C18orf63: variants seen among roughly 807,000 people sequenced by gnomAD.
C18orf63 encodes uncharacterized protein C18orf63.
C18orf63 carries 50 observed loss-of-function variants against 75.3 expected under a neutral mutation model. The ratio of observed to expected loss-of-function variants is 0.66; its 90% confidence interval spans 0.53 to 0.84. The LOEUF is 0.84. Ranked by LOEUF, C18orf63 falls within the 40% of genes least tolerant of loss-of-function variation. C18orf63 has a pLI of 0.00. For synonymous variants in C18orf63, 232 were observed against 267.6 expected, an observed-to-expected ratio of 0.87 and a Z score of 1.30; for missense variants, 732 against 800.2, an observed-to-expected ratio of 0.91 and a Z score of 1.03.
chr18:74,317,937 A>G lies in C18orf63; in HGVS notation c.72A>G (p.Arg24=), dbSNP rs906734696. ...ATTTAAACAAACTCTGTGCTGTCAG[A>G]ATAATACTGAGTAATAAGGTGGCAG... ...LPDLNKLCAV[R]IILSNKVADT... is the part of the protein sequence containing the mutation. Residue 24 remains arginine, a synonymous_variant, in exon 2 of 14, where the codon AGA becomes AGG. Coordinates refer to ENST00000579455, the MANE Select transcript of C18orf63 (RefSeq NM_001174123.2). 18 of 1,533,586 alleles carry G rather than the reference A, an allele frequency of 1.2e-5. No homozygotes were observed. In the East Asian group the frequency reaches 3.9e-4, roughly 33 times the overall value. 95.0% of individuals were successfully genotyped at this position (1,533,586 alleles called of 1,614,324 possible). A position where few individuals can be genotyped will look rare whatever the true frequency, so the allele number is the denominator to read the frequency against.
intron 11 of C18orf63, among the ~76,000 whole-genome samples, chr18:74,348,969 A>G (rs1055556967): frequency 1.3e-5 from 2 of 152,238 alleles, no homozygotes; most frequent in Non-Finnish European, 2.9e-5. Flanking sequence ...AAGACAGCTG[A>G]AGAAGAAACA....
At chr18:74,327,398 G>A (rs1159345626) in intron 4 of C18orf63, among the ~76,000 whole-genome samples, 3 of 152,192 alleles carry the variant, frequency 2.0e-5, no homozygotes, top group Non-Finnish European at 2.9e-5. Flanking sequence ...TAGACATATA[G>A]CTTAGAAGGT....
intron 11 of C18orf63, among the ~76,000 whole-genome samples, chr18:74,348,826 C>T (rs1033161049): frequency 2.7e-4 from 41 of 152,126 alleles, no homozygotes; most frequent in African/African-American, 9.6e-4. Context: ...GAATATAAAC[C>T]TAGAGGTTTC....
Position 74,320,591 on chromosome 18 carries a change from G to A in C18orf63, c.213G>A (p.Ala71=), listed in dbSNP as rs754899143. ...TAAACCAAATCTGGGTGGTGATGGC[G>A]GTTAGTATTTTAATATTTTGTGAAA... The part of the protein sequence containing the change: ...GILNQIWVVM[A]IPFYKARKLN... The change falls in exon 3 of 14, where the codon GCG becomes GCA. Residue 71 remains alanine (A), a splice_region_variant and synonymous_variant. Coordinates refer to ENST00000579455, the MANE Select transcript of C18orf63 (RefSeq NM_001174123.2). 4.5e-5 allele frequency: 68 copies of A among 1,518,760 alleles called. No individual in the cohort carries two copies. Among genetic ancestry groups the A allele is most frequent in the African/African-American group, 8.3e-5 (6 of 72,524 alleles). The allele number at this position is 1,518,760 out of a possible 1,614,324, so 94.1% of individuals were successfully genotyped here.
chr18:74,322,575 C>T, intron 3 of C18orf63, 123 bp from the exon 4 acceptor site: 1 of 319,086 alleles, frequency 3.1e-6, no homozygotes, highest in Non-Finnish European at 5.7e-6. Flanking sequence ...AAGGCACAAA[C>T]CCTAATTGGA....
intron 7 of C18orf63, among the ~76,000 whole-genome samples, chr18:74,332,224 G>C (rs1984319907): frequency 6.6e-6 from 1 of 152,186 alleles, no homozygotes; most frequent in Non-Finnish European, 1.5e-5. Context: ...GCTGAGTCCT[G>C]AGGTGGCACA....
intron 4 of C18orf63, 39 bp downstream of exon 4, chr18:74,322,793 T>G (rs1984145813): frequency 2.4e-6 from 2 of 819,854 alleles, no homozygotes; most frequent in Non-Finnish European, 3.7e-6. Flanking sequence ...ATATGTTGTT[T>G]ATAGGGATTA....
chr18:74,315,920 C>G lies in C18orf63; in HGVS notation c.-222C>G, dbSNP rs1169443036. The G allele has an allele frequency of 6.6e-6, 1 of 152,316 alleles. No homozygotes were observed. Among genetic ancestry groups the G allele is most frequent in the African/African-American group, 2.4e-5 (1 of 41,442 alleles). The allele number at this position is 152,316 out of a possible 1,614,324, so 9.4% of individuals were successfully genotyped here. A position where few individuals can be genotyped will look rare whatever the true frequency, so the allele number is the denominator to read the frequency against. On this transcript the variant is annotated 5_prime_UTR_variant, in exon 1 of 14. Transcript: ENST00000579455. ...AGGAGGGAGCTGAGGCACGCGGGCT[C>G]TCAATCGACGCCCCACAGAGACCAA...
chr18:74,320,403 C>A, intron 2 of C18orf63, 110 bp from the exon 3 acceptor site: 2 of 659,464 alleles, frequency 3.0e-6, no homozygotes, highest in Non-Finnish European at 5.0e-6. Flanking sequence ...CCAATCACTT[C>A]CCACCAGGTC....
intron 8 of C18orf63, among the ~76,000 whole-genome samples, chr18:74,340,146 A>G (rs1984455976): frequency 7.9e-6 from 1 of 126,106 alleles, no homozygotes; most frequent in African/African-American, 2.7e-5. Flanking sequence ...AAGGAACTCA[A>G]ATAACTCAAT....
chr18:74,322,644 TA>T (rs1984142901), intron 3 of C18orf63, 53 bp from the exon 4 acceptor site: 1 of 565,048 alleles, frequency 1.8e-6, no homozygotes, highest in Non-Finnish European at 2.9e-6. Context: ...TTGCATTATT[TA>T]ATTATATATA....
rs555665791 is a variant in C18orf63, at chr18:74,342,658, A to G, written c.794+332A>G. 7.9e-5 allele frequency among the ~76,000 whole-genome samples: 12 copies of G among 152,296 alleles called. No individual in the cohort carries two copies. The South Asian group carries it at 2.3e-3, about 29-fold the overall frequency. On this transcript the variant is annotated intron_variant, in intron 10 of 13. Coordinates refer to ENST00000579455, the MANE Select transcript of C18orf63 (RefSeq NM_001174123.2). ...TCCCTCCAGTGGCATTTCAGATACA[A>G]TTGAAAGGGTTGAATTAAAAGCTTA...
At chr18:74,348,720 T>C (rs1261584710) in intron 11 of C18orf63, among the ~76,000 whole-genome samples, 11 of 152,216 alleles carry the variant, frequency 7.2e-5, no homozygotes, top group Admixed American at 7.2e-4. Flanking sequence ...CACAAAGCTG[T>C]AGTTTGTTGA....
chr18:74,340,485 C>G (rs762764032), intron 8 of C18orf63, among the ~76,000 whole-genome samples: 1 of 152,284 alleles, frequency 6.6e-6, no homozygotes, highest in East Asian at 1.9e-4. Context: ...ATCTTATGAT[C>G]TAGCAATCCC....
intron 7 of C18orf63, among the ~76,000 whole-genome samples, chr18:74,333,974 C>A (rs1984351516): frequency 6.6e-6 from 1 of 152,130 alleles, no homozygotes; most frequent in South Asian, 2.1e-4. Flanking sequence ...GATATGATGT[C>A]TTACACATTC....
Position 74,353,554 on chromosome 18 carries a change from C to T in C18orf63, c.1287C>T (p.Ser429=), listed in dbSNP as rs1984706840. 1 of 1,536,414 alleles carries T rather than the reference C, an allele frequency of 6.5e-7. No individual in the cohort carries two copies. Among genetic ancestry groups the T allele is most frequent in the Admixed American group, 2.0e-5 (1 of 50,984 alleles). ...AGCACACAAATCTTAGCTCCCAAAG[C>T]AACATCACCCCTAAGTTTGTACCAG... is the stretch of plus-strand genomic sequence containing the variant. ...QVQHTNLSSQ[S]NITPKFVPVF... is the part of the protein sequence containing the mutation. Residue 429 remains serine, a synonymous_variant, in exon 12 of 14, where the codon AGC becomes AGT. Transcript: ENST00000579455.
At chr18:74,335,557 G>A (rs1174133285) in intron 7 of C18orf63, among the ~76,000 whole-genome samples, 1 of 152,034 alleles carries the variant, frequency 6.6e-6, no homozygotes, top group Non-Finnish European at 1.5e-5. Context: ...ACTGTTTGGT[G>A]CATTGAGATT....
chr18:74,319,481 T>C (rs1984083210), intron 2 of C18orf63, among the ~76,000 whole-genome samples: 1 of 152,216 alleles, frequency 6.6e-6, no homozygotes, highest in Non-Finnish European at 1.5e-5. Context: ...GGTTTTCAGA[T>C]TTCCAGTTGT....
At position 74,316,290 on chromosome 18, in the gene C18orf63, G is replaced by C. The variant is rs192989383; in HGVS notation, c.-33+181G>C. Among the ~76,000 whole-genome samples the C allele has an allele frequency of 9.9e-5, 15 of 152,204 alleles. No individual in the cohort carries two copies. The East Asian group carries it at 2.9e-3, about 30-fold the overall frequency. ...ATTTTTCGGGCATTTCATTATATCGGAAATTTATAGAATCACCTTTTAAAA... is the reference window on the plus strand; with the variant it reads ...ATTTTTCGGGCATTTCATTATATCGCAAATTTATAGAATCACCTTTTAAAA... On this transcript the variant is annotated intron_variant, in intron 1 of 13. Transcript: ENST00000579455.
Sources: allele counts gnomAD v4.1 joint callset (sites outside exome capture counted in the v4.1 genomes callset), GRCh38; gene constraint gnomAD v4.1.1; transcripts MANE v1.5; gene names NCBI Gene and HGNC (gene_info 2026-07-23, HGNC 2026-07-21).